The following MYH7B variants were observed in gnomAD, a reference collection of about 807,000 sequenced individuals.
MYH7B encodes the protein myosin heavy chain 7B.
A neutral mutation model predicts 234.5 loss-of-function variants in MYH7B; 205 were observed. That is an observed-to-expected ratio of 0.87 (90% CI 0.78 to 0.98). The LOEUF is 0.98. Ranked by LOEUF, MYH7B falls within the 50% of genes least tolerant of loss-of-function variation. MYH7B has a pLI of 0.00. For synonymous variants in MYH7B, 1,193 were observed against 1,105.0 expected (o/e 1.08, Z -1.58); for missense variants, 2,652 against 2,633.4 (o/e 1.01, Z -0.15).
chr20:34,972,930 C>G (rs2081805864), intron 2 of MYH7B, among the ~76,000 whole-genome samples: 1 of 152,150 alleles, frequency 6.6e-6, no homozygotes, highest in Non-Finnish European at 1.5e-5. Flanking sequence ...AGCCATCATG[C>G]CTGGTTAATT....
rs192351640 is a variant in MYH7B, at chr20:34,996,315, C to T, written c.2944-31C>T. 5.0e-5 allele frequency: 78 copies of T among 1,554,560 alleles called. No homozygotes were observed. In the East Asian group the frequency reaches 1.1e-3, roughly 23 times the overall value. On this transcript the variant is annotated intron_variant, in intron 28 of 44. Transcript: ENST00000262873. ...TGGCCGCTCAGAGTGCGGGGAAGGG[C>T]GTCCCCATTCTGGCCCTGGCCCTGG...
At chr20:34,985,224 T>G in intron 13 of MYH7B, 95 bp downstream of exon 13, 1 of 1,204,990 alleles carries the variant, frequency 8.3e-7, no homozygotes, top group Non-Finnish European at 1.2e-6. Context: ...GGCTCCTGCC[T>G]GCTCTGGGCA....
chr20:34,962,737 C>T (rs1197811860), intron 2 of MYH7B, among the ~76,000 whole-genome samples: 1 of 152,172 alleles, frequency 6.6e-6, no homozygotes, highest in African/African-American at 2.4e-5. Flanking sequence ...AAGGGATCCT[C>T]CTGTCTCAGC....
rs1250199584 is a variant in MYH7B, at chr20:34,999,276, C to T, written c.4411C>T (p.Gln1471Ter). Residue 1471 changes from glutamine to a stop codon, truncating the protein, a stop_gained, in exon 36 of 45, where the codon CAG (glutamine) becomes TAG (stop). Transcript: ENST00000262873. LOFTEE classifies it high-confidence loss of function. ...ACGGCGGCGGCAGGAGGAGGAGATG[C>T]AGCGGGAGCTGGAGGCGGCACAGAG... is the stretch of plus-strand genomic sequence containing the variant. 1.9e-6 allele frequency: 3 copies of T among 1,595,760 alleles called. No homozygotes were observed. Among genetic ancestry groups the T allele is most frequent in the Admixed American group, 1.8e-5 (1 of 56,190 alleles).
rs1247217032 is a variant in MYH7B, at chr20:35,000,501, C to T, written c.4990C>T (p.Arg1664Trp). The T allele has an allele frequency of 3.1e-6, 5 of 1,598,180 alleles. No individual in the cohort carries two copies. The highest frequency in any genetic ancestry group is 4.5e-5 in the East Asian group (2 of 44,770). Residue 1664 changes from arginine to tryptophan, a missense_variant, in exon 39 of 45, where the codon CGG (arginine) becomes TGG (tryptophan). By Grantham distance (101) the Arg-to-Trp change is moderately radical (BLOSUM62 -3). Transcript: ENST00000262873. ...ACAGCTCAAGGAGGAGCAGGCAGGG[C>T]GGGACGAGGAGCAGCGGCTGGCAGC...
chr20:34,958,937 G>C (rs1200875143), intron 2 of MYH7B, among the ~76,000 whole-genome samples: 4 of 152,190 alleles, frequency 2.6e-5, no homozygotes, highest in African/African-American at 9.7e-5. Context: ...AATAATATTT[G>C]CTAACTGATG....
rs918466221 is a variant in MYH7B, at chr20:34,977,488, C to A, written c.-121-144C>A. 4.1e-6 allele frequency: 3 copies of A among 724,036 alleles called. No homozygotes were observed. The African/African-American group carries it at 5.3e-5, about 13-fold the overall frequency. 44.9% of individuals were successfully genotyped at this position (724,036 alleles called of 1,614,324 possible). A position where few individuals can be genotyped will look rare whatever the true frequency, so the allele number is the denominator to read the frequency against. On this transcript the variant is annotated intron_variant, in intron 3 of 44. Transcript: ENST00000262873. ...AGTGTCTCTCTCCGCCTTTGTGATC[C>A]CCTGACAATGGGAGGTAAAAATAGC...
chr20:35,000,767 G>T lies in MYH7B; in HGVS notation c.5179-1G>T, dbSNP rs1465089882. 1.2e-6 allele frequency: 2 copies of T among 1,612,042 alleles called. No individual in the cohort carries two copies. Among genetic ancestry groups the T allele is most frequent in the Middle Eastern group, 1.6e-4 (1 of 6,084 alleles). Reference sequence around the variant, plus strand: ...GGCTCTGAGACTCCTCTTCCCCTCAGAACACAGGCCTCCTAAACCAGAAGA... The same window carrying T: ...GGCTCTGAGACTCCTCTTCCCCTCATAACACAGGCCTCCTAAACCAGAAGA... On this transcript the variant is annotated splice_acceptor_variant, in intron 39 of 44. Coordinates refer to ENST00000262873, the Ensembl canonical transcript of MYH7B. LOFTEE classifies it high-confidence loss of function.
chr20:34,987,912 G>A, exon 18 of MYH7B: 2 of 1,595,452 alleles, frequency 1.3e-6, no homozygotes, highest in Non-Finnish European at 1.7e-6. Context: ...TGAGATCTTT[G>A]AGGTGAGGAC....
intron 7 of MYH7B, 82 bp from the exon 8 acceptor site, chr20:34,980,496 C>T (rs904549151): frequency 7.9e-7 from 1 of 1,264,784 alleles, no homozygotes. Flanking sequence ...CGAGATCATG[C>T]CGTTGTACTC....
At chr20:35,000,374 CAAGAAG>C (rs558415770) in exon 39 of MYH7B, 6 of 1,599,184 alleles carry the variant, frequency 3.8e-6, no homozygotes, top group African/African-American at 2.7e-5. Flanking sequence ...CGCTGCGGCT[CAAGAAG>C]AAGATGGAGG....
Position 35,000,766 on chromosome 20 carries a change from A to T in MYH7B, c.5179-2A>T. On this transcript the variant is annotated splice_acceptor_variant, in intron 39 of 44. Coordinates refer to ENST00000262873, the Ensembl canonical transcript of MYH7B. LOFTEE classifies it high-confidence loss of function. ...TGGCTCTGAGACTCCTCTTCCCCTC[A>T]GAACACAGGCCTCCTAAACCAGAAG... 6.2e-7 allele frequency: 1 copy of T among 1,612,126 alleles called. No individual in the cohort carries two copies. Among genetic ancestry groups the T allele is most frequent in the Non-Finnish European group, 8.5e-7 (1 of 1,179,110 alleles).
chr20:35,001,936 G>A lies in MYH7B; in HGVS notation c.5677-12G>A, dbSNP rs1174648289. On this transcript the variant is annotated splice_polypyrimidine_tract_variant and intron_variant, in intron 43 of 44. Transcript: ENST00000262873. Reference sequence around the variant, plus strand: ...CACCCAAGCGGAACCAAGGCCCTGTGTGTGCCCCCAGGAGCAGCAGGCCAA... The same window carrying A: ...CACCCAAGCGGAACCAAGGCCCTGTATGTGCCCCCAGGAGCAGCAGGCCAA... 2 of 1,610,534 alleles carry A rather than the reference G, an allele frequency of 1.2e-6. No homozygotes were observed. Among genetic ancestry groups the A allele is most frequent in the Non-Finnish European group, 1.7e-6 (2 of 1,178,076 alleles).
intron 2 of MYH7B, among the ~76,000 whole-genome samples, chr20:34,958,528 C>T (rs1181449094): frequency 6.6e-6 from 1 of 152,016 alleles, no homozygotes; most frequent in Admixed American, 6.6e-5. Flanking sequence ...TGCAGTGGTG[C>T]GATCTTGGCT....
chr20:34,993,587 G>A, intron 26 of MYH7B, 117 bp downstream of exon 26: 4 of 1,214,702 alleles, frequency 3.3e-6, no homozygotes, highest in Non-Finnish European at 4.4e-6. Flanking sequence ...CCTGTGGCTG[G>A]TTGGGGCAAG....
rs748555974 is a variant in MYH7B, at chr20:34,999,551, C to G, written c.4541-20C>G. 1.9e-6 allele frequency: 3 copies of G among 1,581,390 alleles called. No homozygotes were observed. Among genetic ancestry groups the G allele is most frequent in the East Asian group, 4.5e-5 (2 of 44,644 alleles). On this transcript the variant is annotated intron_variant, in intron 36 of 44. Transcript: ENST00000262873. ...AGTACAAGCCATGGGGGTGGCCTCT[C>G]AGCACCCTGTCCACTGCAGAGGAGA...
Position 34,999,780 on chromosome 20 carries a change from T to C in MYH7B, c.4666-11T>C. The C allele has an allele frequency of 7.2e-7, 1 of 1,391,874 alleles. No homozygotes were observed. Among genetic ancestry groups the C allele is most frequent in the Non-Finnish European group, 9.7e-7 (1 of 1,027,306 alleles). The allele number at this position is 1,391,874 out of a possible 1,614,324, so 86.2% of individuals were successfully genotyped here. On this transcript the variant is annotated splice_polypyrimidine_tract_variant and intron_variant, in intron 37 of 44. Coordinates refer to ENST00000262873, the Ensembl canonical transcript of MYH7B. ...CCCCCCCACCCTACCCTGCCTGCTC[T>C]GTATCCACAGGGGGCCCTGGAGCTG...
At position 34,997,549 on chromosome 20, in the gene MYH7B, G is replaced by A. The variant is rs375793142; in HGVS notation, c.3656G>A (p.Arg1219Gln). Residue 1219 changes from arginine to glutamine, a missense_variant, in exon 32 of 45, where the codon CGG becomes CAG. Physicochemically the swap from Arg to Gln is conservative, Grantham distance 43. Around this residue, in one of 3 missense-constraint regions of MYH7B, gnomAD observed 2,279 missense variants for 2,211.4 expected, o/e 1.03. Transcript: ENST00000262873. ...GGGGAGCAGGTGGACAGCCTGCAGCGGGTGCGGCAGAAGCTGGAGAAGGAG... is the reference window on the plus strand; with the variant it reads ...GGGGAGCAGGTGGACAGCCTGCAGCAGGTGCGGCAGAAGCTGGAGAAGGAG... The A allele has an allele frequency of 3.7e-5, 59 of 1,611,866 alleles. No homozygotes were observed. The highest frequency in any genetic ancestry group is 4.9e-5 in the Non-Finnish European group (58 of 1,179,112).
rs150997577 is a variant in MYH7B at position 34,959,395 on chromosome 20, C to G, written c.-222+1183C>G. Among the ~76,000 whole-genome samples, 188 of 152,308 alleles carry G rather than the reference C, an allele frequency of 1.2e-3. 1 individual carries two copies. The highest frequency in any genetic ancestry group is 4.3e-3 in the African/African-American group (180 of 41,572). On this transcript the variant is annotated intron_variant, in intron 2 of 44. Coordinates refer to ENST00000262873, the Ensembl canonical transcript of MYH7B. Reference sequence around the variant, plus strand: ...GATTTGCCCTGAGCCTCTGGTGTCTCAGACCTGAGTTTGAATCCTGACTGT... The same window carrying G: ...GATTTGCCCTGAGCCTCTGGTGTCTGAGACCTGAGTTTGAATCCTGACTGT...
Sources: gnomAD v4.1 joint callset for allele counts (sites outside exome capture counted in the v4.1 genomes callset) on GRCh38, gnomAD v4.1.1 for gene constraint, gnomAD v4.1.1 regional missense constraint, MANE v1.5 for transcripts, NCBI Gene and HGNC (gene_info 2026-07-23, HGNC 2026-07-21) for gene names.